Variants in STAM observed in about 807,000 individuals in gnomAD.
STAM encodes the protein signal transducing adapter molecule 1.
In STAM, 16 loss-of-function variants were observed where a neutral mutation model predicts 63.4. The observed-to-expected ratio is 0.25, with a 90% CI of 0.17 to 0.38. STAM has a LOEUF of 0.38. Among genes scored for constraint, STAM ranks in the 10% least tolerant of loss-of-function variants. The pLI is 1.00. For synonymous variants in STAM, 238 were observed against 223.9 expected, an observed-to-expected ratio of 1.06 and a Z score of -0.56; for missense variants, 636 against 657.1, an observed-to-expected ratio of 0.97 and a Z score of 0.35.
chr10:17,680,727 T>C (rs1293791329), intron 2 of STAM, among the ~76,000 whole-genome samples: 3 of 152,218 alleles, frequency 2.0e-5, no homozygotes, highest in Non-Finnish European at 4.4e-5. Context: ...CTACTCTTAG[T>C]ACCTCATCTA....
chr10:17,704,463 A>G lies in STAM; in HGVS notation c.945A>G (p.Gln315=). Reference sequence around the variant, plus strand: ...TGGACCAGTTGCTACAGATGCTGCAAAGTACAGACCCCAGTGATGATCAGC... The same window carrying G: ...TGGACCAGTTGCTACAGATGCTGCAGAGTACAGACCCCAGTGATGATCAGC... ...DKMDQLLQML[Q]STDPSDDQPD... is the part of the protein sequence containing the mutation. Residue 315 remains glutamine (Q), a synonymous_variant, in exon 10 of 14, where the codon CAA becomes CAG. Coordinates refer to ENST00000377524, the MANE Select transcript of STAM (RefSeq NM_003473.4). 2 of 1,614,164 alleles carry G rather than the reference A, an allele frequency of 1.2e-6. No individual in the cohort carries two copies. Among genetic ancestry groups the G allele is most frequent in the Non-Finnish European group, 1.7e-6 (2 of 1,179,998 alleles).
intron 1 of STAM, among the ~76,000 whole-genome samples, chr10:17,647,481 C>G (rs570964912): frequency 4.3e-4 from 66 of 152,206 alleles, no homozygotes; most frequent in Middle Eastern, 3.4e-3. Flanking sequence ...CGGCTCAGTT[C>G]CGGAGCCTCT....
In STAM at chr10:17,714,890, A is replaced by G; in HGVS notation, c.*110A>G. On this transcript the variant is annotated 3_prime_UTR_variant, in exon 14 of 14. Transcript: ENST00000377524. ...ATCCTCAGCTTATAGGAATCTCTCC[A>G]GGTCAACAGGTTCAAATATTCAAGA... 9.6e-7 allele frequency: 1 copy of G among 1,045,822 alleles called. No homozygotes were observed. Among genetic ancestry groups the G allele is most frequent in the Non-Finnish European group, 1.4e-6 (1 of 689,696 alleles). 64.8% of individuals were successfully genotyped at this position (1,045,822 alleles called of 1,614,324 possible).
At chr10:17,686,525 C>A (rs781816952) in intron 4 of STAM, among the ~76,000 whole-genome samples, 1 of 151,844 alleles carries the variant, frequency 6.6e-6, no homozygotes, top group Admixed American at 6.6e-5. Flanking sequence ...TACAGGCATG[C>A]GCCACCACGC....
chr10:17,665,553 T>C (rs1589041785), intron 2 of STAM, among the ~76,000 whole-genome samples: 2 of 152,272 alleles, frequency 1.3e-5, no homozygotes, highest in South Asian at 4.1e-4. Flanking sequence ...TGACTACTTA[T>C]TGTATCCTGT....
intron 5 of STAM, among the ~76,000 whole-genome samples, chr10:17,689,193 C>A (rs1290558782): frequency 1.3e-5 from 2 of 152,326 alleles, no homozygotes; most frequent in East Asian, 3.9e-4. Flanking sequence ...GGATGCCCAA[C>A]TAATCAAGAG....
chr10:17,682,092 A>AAT (rs1835110027), intron 2 of STAM, among the ~76,000 whole-genome samples: 1 of 152,188 alleles, frequency 6.6e-6, no homozygotes, highest in Non-Finnish European at 1.5e-5. Context: ...AGTTTTGACA[A>AAT]ATATATATAC....
intron 5 of STAM, among the ~76,000 whole-genome samples, chr10:17,688,883 A>T (rs527769102): frequency 3.9e-5 from 6 of 152,308 alleles, no homozygotes; most frequent in African/African-American, 1.4e-4. Context: ...GGATATCCTT[A>T]AAAGTTAGGG....
In STAM at chr10:17,692,458, A is replaced by G. The variant is rs552785285; in HGVS notation, c.445-764A>G. Among the ~76,000 whole-genome samples, 6 of 152,328 alleles carry G rather than the reference A, an allele frequency of 3.9e-5. No homozygotes were observed. The South Asian group carries it at 1.0e-3, about 26-fold the overall frequency. ...AGTGTGAGACCTGTAAAGTACCGGTATAGAGACTGCTCAGGAACTGCTAGC... is the reference window on the plus strand; with the variant it reads ...AGTGTGAGACCTGTAAAGTACCGGTGTAGAGACTGCTCAGGAACTGCTAGC... On this transcript the variant is annotated intron_variant, in intron 5 of 13. Coordinates refer to ENST00000377524, the MANE Select transcript of STAM (RefSeq NM_003473.4).
intron 2 of STAM, among the ~76,000 whole-genome samples, chr10:17,666,719 C>A (rs562530280): frequency 6.6e-6 from 1 of 152,202 alleles, no homozygotes; most frequent in South Asian, 2.1e-4. Context: ...TTGTTTTGTC[C>A]TGGACTGGAC....
At chr10:17,697,071 C>T (rs1282502272) in intron 8 of STAM, among the ~76,000 whole-genome samples, 2 of 152,116 alleles carry the variant, frequency 1.3e-5, no homozygotes, top group Non-Finnish European at 2.9e-5. Context: ...AGGCACCCGC[C>T]GCCATGTCCA....
chr10:17,697,072 G>A (rs368043554), intron 8 of STAM, among the ~76,000 whole-genome samples: 1 of 151,906 alleles, frequency 6.6e-6, no homozygotes, highest in Admixed American at 6.6e-5. Flanking sequence ...GGCACCCGCC[G>A]CCATGTCCAG....
At chr10:17,668,245 T>A (rs565870703) in intron 2 of STAM, among the ~76,000 whole-genome samples, 1 of 152,150 alleles carries the variant, frequency 6.6e-6, no homozygotes, top group East Asian at 1.9e-4. Flanking sequence ...GGGACTGACG[T>A]GATTGGAGCT....
chr10:17,653,222 G>GTCAT (rs1833808131), intron 1 of STAM, among the ~76,000 whole-genome samples: 1 of 152,130 alleles, frequency 6.6e-6, no homozygotes, highest in South Asian at 2.1e-4. Flanking sequence ...CACCCCAATT[G>GTCAT]TAGAATCCAT....
chr10:17,663,008 G>A (rs543523992), intron 2 of STAM, among the ~76,000 whole-genome samples: 3 of 152,244 alleles, frequency 2.0e-5, no homozygotes, highest in South Asian at 2.1e-4. Context: ...TTACTTCGGT[G>A]TTTTTCATTT....
intron 12 of STAM, 77 bp downstream of exon 12, chr10:17,705,818 A>C (rs1836238627): frequency 7.0e-7 from 1 of 1,437,078 alleles, no homozygotes; most frequent in Non-Finnish European, 9.4e-7. Flanking sequence ...CTGTAATCTC[A>C]GCAATTTGGG....
intron 2 of STAM, among the ~76,000 whole-genome samples, chr10:17,675,025 C>T (rs897292916): frequency 1.3e-5 from 2 of 152,044 alleles, no homozygotes; most frequent in Admixed American, 6.5e-5. Flanking sequence ...AAAAATTGTT[C>T]TGTGTTGAAA....
In STAM at chr10:17,709,097, G is replaced by A. The variant is rs548947559; in HGVS notation, c.1385+146G>A. The A allele has an allele frequency of 1.1e-5, 10 of 917,192 alleles. No homozygotes were observed. The East Asian group carries it at 1.3e-4, about 12-fold the overall frequency. The allele number at this position is 917,192 out of a possible 1,614,324, so 56.8% of individuals were successfully genotyped here. On this transcript the variant is annotated intron_variant, in intron 13 of 13. Coordinates refer to ENST00000377524, the MANE Select transcript of STAM (RefSeq NM_003473.4). ...CCCATTTGTGCTAATGAGTGGTGGA[G>A]CCTCTGTGGTATTCCAGTACCAGCC...
intron 5 of STAM, among the ~76,000 whole-genome samples, chr10:17,690,681 A>G (rs1835492245): frequency 6.6e-6 from 1 of 152,082 alleles, no homozygotes; most frequent in Admixed American, 6.5e-5. Context: ...CTTAACAAAA[A>G]CCTCTGAAGA....
Sources: gnomAD v4.1 joint callset for allele counts (sites outside exome capture counted in the v4.1 genomes callset) on GRCh38, gnomAD v4.1.1 for gene constraint, MANE v1.5 for transcripts, NCBI Gene and HGNC (gene_info 2026-07-23, HGNC 2026-07-21) for gene names.